TRIM24: variants seen among roughly 807,000 people sequenced by gnomAD.
TRIM24 encodes the protein transcription intermediary factor 1-alpha.
In TRIM24, 29 loss-of-function variants were observed where a neutral mutation model predicts 123.9. That is an observed-to-expected ratio of 0.23 (90% CI 0.17 to 0.32). The LOEUF is 0.32. Among genes scored for constraint, TRIM24 ranks in the 10% least tolerant of loss-of-function variants. The pLI is 1.00. For synonymous variants in TRIM24, 456 were observed against 461.1 expected (o/e 0.99, Z 0.14); for missense variants, 932 against 1,295.3 (o/e 0.72, Z 4.31).
intron 12 of TRIM24, among the ~76,000 whole-genome samples, chr7:138,574,704 A>AGGG (rs1476679938): frequency 2.6e-5 from 4 of 152,180 alleles, no homozygotes; most frequent in Non-Finnish European, 5.9e-5. Flanking sequence ...CATAGGTGGA[A>AGGG]GGGGTATGAG....
At chr7:138,571,717 T>TTTA (rs1703758926) in intron 11 of TRIM24, among the ~76,000 whole-genome samples, 1 of 152,192 alleles carries the variant, frequency 6.6e-6, no homozygotes, top group African/African-American at 2.4e-5. Context: ...CTTTTTGTTA[T>TTTA]TTATTATATT....
intron 6 of TRIM24, among the ~76,000 whole-genome samples, chr7:138,530,219 T>C (rs1253593840): frequency 6.6e-6 from 1 of 151,460 alleles, no homozygotes; most frequent in Non-Finnish European, 1.5e-5. Flanking sequence ...GTTCAAGGTC[T>C]GTGACTTTAA....
intron 3 of TRIM24, among the ~76,000 whole-genome samples, chr7:138,516,125 C>T (rs1318117860): frequency 6.6e-6 from 1 of 152,104 alleles, no homozygotes; most frequent in Non-Finnish European, 1.5e-5. Flanking sequence ...CGTTGAAACC[C>T]CGTCTGTACT....
intron 6 of TRIM24, among the ~76,000 whole-genome samples, chr7:138,530,635 A>T (rs896031683): frequency 1.4e-5 from 2 of 143,956 alleles, no homozygotes; most frequent in African/African-American, 2.5e-5. Context: ...CCTGGCTAAT[A>T]TTTTTTTTTT....
At chr7:138,462,924 C>CA (rs1266820484) in intron 1 of TRIM24, among the ~76,000 whole-genome samples, 2 of 150,506 alleles carry the variant, frequency 1.3e-5, no homozygotes, top group African/African-American at 4.9e-5. Context: ...GGCTGGAGTG[C>CA]AGTGGTGCGA....
At position 138,466,463 on chromosome 7, in the gene TRIM24, CTT is replaced by C. The variant is rs577317171; in HGVS notation, c.364+5568_364+5569del. Among the ~76,000 whole-genome samples, 339 of 74,060 alleles carry C rather than the reference CTT, an allele frequency of 4.6e-3. 3 individuals carry two copies. Among genetic ancestry groups the C allele is most frequent in the African/African-American group, 0.018 (318 of 18,090 alleles). The allele number at this position is 74,060 out of a possible 152,430, so 48.6% of individuals were successfully genotyped here. ...TTTGCAAATTTCAAAACTTAAGTTG[CTT>C]TTTTTTTTTTTTTTTTGGAGACAGC... On this transcript the variant is annotated intron_variant, in intron 1 of 18. Coordinates refer to ENST00000343526, the MANE Select transcript of TRIM24 (RefSeq NM_015905.3).
intron 4 of TRIM24, among the ~76,000 whole-genome samples, chr7:138,524,220 G>C (rs1370076588): frequency 1.3e-5 from 2 of 151,964 alleles, no homozygotes; most frequent in Non-Finnish European, 2.9e-5. Flanking sequence ...AAATAAAAAA[G>C]AACTTCCTAA....
chr7:138,520,630 C>T (rs927667248), intron 4 of TRIM24, among the ~76,000 whole-genome samples: 2 of 152,004 alleles, frequency 1.3e-5, no homozygotes, highest in African/African-American at 4.8e-5. Context: ...TTCAAGGGTG[C>T]AGTGATAGTG....
intron 2 of TRIM24, among the ~76,000 whole-genome samples, chr7:138,509,484 A>T (rs1796239656): frequency 6.6e-6 from 1 of 150,854 alleles, no homozygotes; most frequent in Admixed American, 6.6e-5. Flanking sequence ...CAGGCGGATC[A>T]CAAGATTAGG....
chr7:138,479,066 C>G (rs1453513768), intron 1 of TRIM24, among the ~76,000 whole-genome samples: 1 of 152,164 alleles, frequency 6.6e-6, no homozygotes, highest in Non-Finnish European at 1.5e-5. Flanking sequence ...CGGTTGCCTT[C>G]TTTTTATCTT....
At chr7:138,466,734 G>A (rs183147232) in intron 1 of TRIM24, among the ~76,000 whole-genome samples, 13 of 152,036 alleles carry the variant, frequency 8.6e-5, no homozygotes, top group African/African-American at 3.1e-4. Context: ...ATGTATTGCA[G>A]GTATTGACTC....
intron 10 of TRIM24, among the ~76,000 whole-genome samples, chr7:138,569,458 A>T (rs901059445): frequency 6.6e-6 from 1 of 152,254 alleles, no homozygotes; most frequent in Non-Finnish European, 1.5e-5. Context: ...TAATCTAGAT[A>T]TGATTTTCTG....
intron 1 of TRIM24, among the ~76,000 whole-genome samples, chr7:138,479,600 C>T (rs1019024560): frequency 6.6e-6 from 1 of 151,914 alleles, no homozygotes; most frequent in Non-Finnish European, 1.5e-5. Context: ...GCAATCTCTG[C>T]CTCCTGGGTT....
rs761979089 is a variant in TRIM24, at chr7:138,567,590, C to T, written c.1640C>T (p.Pro547Leu). ...QLRYPPNQNI[P>L]RQAIKPNPLQ... is the part of the protein sequence containing the mutation. ...AGATATCCACCAAACCAGAACATACCACGACAAGCAATAAAGCCAAACCCC... is the reference window on the plus strand; with the variant it reads ...AGATATCCACCAAACCAGAACATACTACGACAAGCAATAAAGCCAAACCCC... Residue 547 changes from proline to leucine, a missense_variant, in exon 10 of 19, where the codon CCA becomes CTA. This residue lies in a region of TRIM24 where 527 missense variants were observed against 691.3 expected (regional missense o/e 0.76). Coordinates refer to ENST00000343526, the MANE Select transcript of TRIM24 (RefSeq NM_015905.3). 9 of 1,613,692 alleles carry T rather than the reference C, an allele frequency of 5.6e-6. No individual in the cohort carries two copies. The highest frequency in any genetic ancestry group is 7.6e-6 in the Non-Finnish European group (9 of 1,179,886).
At chr7:138,514,568 T>A (rs1004350087) in intron 2 of TRIM24, 16 of 152,212 alleles carry the variant, frequency 1.1e-4, no homozygotes, top group African/African-American at 3.9e-4. Context: ...TCTCTCTTCC[T>A]AGAAGTAAAA....
chr7:138,539,726 A>G (rs1315846058), intron 7 of TRIM24, among the ~76,000 whole-genome samples: 1 of 152,066 alleles, frequency 6.6e-6, no homozygotes, highest in Non-Finnish European at 1.5e-5. Context: ...AGTTTTGATT[A>G]TAAATACTGT....
In TRIM24 at chr7:138,460,402, GC is replaced by G. The variant is rs952563198; in HGVS notation, c.-144del. On this transcript the variant is annotated 5_prime_UTR_variant, in exon 1 of 19. Coordinates refer to ENST00000343526, the MANE Select transcript of TRIM24 (RefSeq NM_015905.3). The stretch of plus-strand genomic sequence containing the variant: ...CCGTGGGCCTGAGGAGGCTTCCCCC[GC>G]CCGGTTTGCTTTCCCTCCCTCGCTG... The G allele has an allele frequency of 9.1e-6, 8 of 874,508 alleles. No individual in the cohort carries two copies. In the African/African-American group the frequency reaches 1.2e-4, roughly 13 times the overall value. 54.2% of individuals were successfully genotyped at this position (874,508 alleles called of 1,614,324 possible). A position where few individuals can be genotyped will look rare whatever the true frequency, so the allele number is the denominator to read the frequency against.
intron 1 of TRIM24, among the ~76,000 whole-genome samples, chr7:138,482,579 A>G (rs2116480165): frequency 6.6e-6 from 1 of 152,324 alleles, no homozygotes; most frequent in South Asian, 2.1e-4. Context: ...GAACCACAAA[A>G]GGATCTTATG....
intron 3 of TRIM24, among the ~76,000 whole-genome samples, chr7:138,516,805 A>G (rs1257909441): frequency 2.8e-5 from 4 of 142,494 alleles, no homozygotes; most frequent in Non-Finnish European, 4.5e-5. Flanking sequence ...ATGTAGCAAA[A>G]CCGTTTTGTT....
Sources: gnomAD v4.1 joint callset for allele counts (sites outside exome capture counted in the v4.1 genomes callset) on GRCh38, gnomAD v4.1.1 for gene constraint, gnomAD v4.1.1 regional missense constraint, MANE v1.5 for transcripts, NCBI Gene and HGNC (gene_info 2026-07-23, HGNC 2026-07-21) for gene names.